Variants in ATG7 observed in about 807,000 individuals in gnomAD.
ATG7 encodes the protein autophagy related 7.
ATG7 carries 70 observed loss-of-function variants against 82.4 expected under a neutral mutation model. The ratio of observed to expected loss-of-function variants is 0.85; its 90% CI spans 0.70 to 1.04. ATG7 has a LOEUF of 1.04. ATG7 is among the 50% of genes least tolerant of loss of function. The pLI, the probability that ATG7 is intolerant of heterozygous loss-of-function variation, is 0.00. For synonymous variants in ATG7, 287 were observed against 313.0 expected, an observed-to-expected ratio of 0.92 and a Z score of 0.88; for missense variants, 792 against 864.3, an observed-to-expected ratio of 0.92 and a Z score of 1.05.
chr3:11,525,884 C>T (rs1036958379), intron 20 of ATG7, among the ~76,000 whole-genome samples: 4 of 152,108 alleles, frequency 2.6e-5, no homozygotes, highest in African/African-American at 9.7e-5. Flanking sequence ...CAAAAGACCA[C>T]TAGCAGCTGC....
chr3:11,517,295 C>T (rs2092309382), intron 20 of ATG7, among the ~76,000 whole-genome samples: 1 of 150,468 alleles, frequency 6.6e-6, no homozygotes, highest in Non-Finnish European at 1.5e-5. Flanking sequence ...GAGTCGAGAT[C>T]GCATCACTGC....
chr3:11,547,162 T>G (rs2125048327), intron 20 of ATG7, among the ~76,000 whole-genome samples: 1 of 152,300 alleles, frequency 6.6e-6, no homozygotes, highest in East Asian at 1.9e-4. Context: ...TAGAGGGAAT[T>G]ATGTTTAACA....
At chr3:11,478,651 C>T (rs945693567) in intron 20 of ATG7, among the ~76,000 whole-genome samples, 5 of 152,090 alleles carry the variant, frequency 3.3e-5, no homozygotes, top group Non-Finnish European at 5.9e-5. Flanking sequence ...GTCAGCAAAA[C>T]AGCAGACTTA....
chr3:11,517,023 C>T lies in ATG7; in HGVS notation c.2080-37788C>T, dbSNP rs182449754. Among the ~76,000 whole-genome samples the T allele has an allele frequency of 2.8e-3, 429 of 152,190 alleles. 1 individual carries two copies. Among genetic ancestry groups the T allele is most frequent in the Non-Finnish European group, 4.7e-3 (319 of 68,018 alleles). ...ACTTGAACCTGGGAGGTGGAGGTTT[C>T]AGTGAGCTAAGATCGCACCACCACA... is the stretch of plus-strand genomic sequence containing the variant. On this transcript the variant is annotated intron_variant, in intron 20 of 20. Transcript: ENST00000693202.
At chr3:11,312,989 G>A (rs115457682) in intron 7 of ATG7, among the ~76,000 whole-genome samples, 252 of 152,240 alleles carry the variant, frequency 1.7e-3, no homozygotes, top group African/African-American at 5.8e-3. Flanking sequence ...ACCTCCCAGG[G>A]GGGTTTTGTA....
intron 20 of ATG7, among the ~76,000 whole-genome samples, chr3:11,528,302 G>A (rs2092625587): frequency 6.6e-6 from 1 of 152,032 alleles, no homozygotes; most frequent in Non-Finnish European, 1.5e-5. Context: ...CAGGTTTATT[G>A]AAGTCATAAT....
At position 11,548,984 on chromosome 3, in the gene ATG7, T is replaced by C. The variant is rs901945358; in HGVS notation, c.2080-5827T>C. 2.7e-4 allele frequency among the ~76,000 whole-genome samples: 41 copies of C among 152,216 alleles called. 1 individual carries two copies. The highest frequency in any genetic ancestry group is 8.8e-5 in the Non-Finnish European group (6 of 68,038). On this transcript the variant is annotated intron_variant, in intron 20 of 20. Coordinates refer to ENST00000693202, the MANE Select transcript of ATG7 (RefSeq NM_001349232.2). ...TGCTCTGTGTGTCACCAGGGAGGTA[T>C]GAGAGTGGTTCCACCACAGGCTCAC...
At chr3:11,285,385 AGGCTG>A (rs933721654) in intron 3 of ATG7, among the ~76,000 whole-genome samples, 5 of 151,302 alleles carry the variant, frequency 3.3e-5, no homozygotes, top group Middle Eastern at 6.8e-3. Context: ...CGTGTTGCCC[AGGCTG>A]GTCTTGAACT....
At chr3:11,332,903 T>C (rs982163987) in intron 10 of ATG7, 69 bp from the exon 11 acceptor site, 6 of 1,360,924 alleles carry the variant, frequency 4.4e-6, no homozygotes, top group Non-Finnish European at 4.8e-6. Flanking sequence ...GAAGCTCTTA[T>C]GTGAGCTTTT....
At chr3:11,466,161 C>T (rs947222607) in intron 20 of ATG7, among the ~76,000 whole-genome samples, 11 of 152,154 alleles carry the variant, frequency 7.2e-5, no homozygotes, top group Admixed American at 3.3e-4. Flanking sequence ...GTTCCTCTAG[C>T]GAGAAGCTGC....
chr3:11,473,452 G>A (rs1218491172), intron 20 of ATG7, among the ~76,000 whole-genome samples: 1 of 152,202 alleles, frequency 6.6e-6, no homozygotes, highest in African/African-American at 2.4e-5. Flanking sequence ...TAAGGCTAAA[G>A]GGAGGATAAA....
At chr3:11,279,036 G>A (rs1402287043) in intron 1 of ATG7, among the ~76,000 whole-genome samples, 1 of 152,150 alleles carries the variant, frequency 6.6e-6, no homozygotes, top group Non-Finnish European at 1.5e-5. Context: ...ATGATGTGGA[G>A]CTGAGTCAGC....
rs71628717 is a variant in ATG7, at chr3:11,478,989, AACACACACAC to A, written c.2079+52105_2079+52114del. 2.7e-4 allele frequency among the ~76,000 whole-genome samples: 20 copies of A among 73,136 alleles called. No homozygotes were observed. The East Asian group carries it at 2.8e-3, about 10-fold the overall frequency. 48.0% of individuals were successfully genotyped at this position (73,136 alleles called of 152,430 possible). A position where few individuals can be genotyped will look rare whatever the true frequency, so the allele number is the denominator to read the frequency against. Reference sequence around the variant, plus strand: ...TTTGAATATGTGCCTGTATATTTACAACACACACACACACACACACACACACACACACACA... The same window carrying A: ...TTTGAATATGTGCCTGTATATTTACAACACACACACACACACACACACACA... On this transcript the variant is annotated intron_variant, in intron 20 of 20. Coordinates refer to ENST00000693202, the MANE Select transcript of ATG7 (RefSeq NM_001349232.2).
At chr3:11,424,130 G>T (rs187708815) in intron 19 of ATG7, among the ~76,000 whole-genome samples, 14 of 152,200 alleles carry the variant, frequency 9.2e-5, no homozygotes, top group African/African-American at 3.1e-4. Flanking sequence ...CACTGCTGCA[G>T]CTTTGCTCAA....
chr3:11,478,918 T>C (rs2088577269), intron 20 of ATG7, among the ~76,000 whole-genome samples: 1 of 151,718 alleles, frequency 6.6e-6, no homozygotes, highest in South Asian at 2.1e-4. Context: ...TCTGGGTAAC[T>C]TAAGTGGCTG....
chr3:11,517,991 G>A (rs1207341559), intron 20 of ATG7, among the ~76,000 whole-genome samples: 1 of 152,176 alleles, frequency 6.6e-6, no homozygotes, highest in Admixed American at 6.5e-5. Context: ...GTCAGAGAGG[G>A]CAGGCTAGAA....
At chr3:11,411,832 A>T (rs1302361222) in intron 19 of ATG7, among the ~76,000 whole-genome samples, 1 of 151,854 alleles carries the variant, frequency 6.6e-6, no homozygotes, top group Non-Finnish European at 1.5e-5. Context: ...TTTTCTTCTA[A>T]AAGTTTTATA....
intron 19 of ATG7, among the ~76,000 whole-genome samples, chr3:11,404,407 A>G (rs2080134638): frequency 6.6e-6 from 1 of 151,920 alleles, no homozygotes; most frequent in African/African-American, 2.4e-5. Context: ...AAGTGCTGGG[A>G]TACGGGCATG....
At chr3:11,442,739 CAAAAAAA>C (rs57073881) in intron 20 of ATG7, among the ~76,000 whole-genome samples, 728 of 69,104 alleles carry the variant, frequency 0.011, 5 homozygotes, top group African/African-American at 0.037. Flanking sequence ...TCCATCTCTA[CAAAAAAA>C]AAAAAAAAAA....
Sources: allele counts gnomAD v4.1 joint callset (sites outside exome capture counted in the v4.1 genomes callset), GRCh38; gene constraint gnomAD v4.1.1; transcripts MANE v1.5; gene names NCBI Gene and HGNC (gene_info 2026-07-23, HGNC 2026-07-21).